Variants in ZDBF2 observed in about 807,000 individuals in gnomAD.
The protein encoded by ZDBF2 is zinc finger DBF-type containing 2.
In ZDBF2, 6 loss-of-function variants were observed where a neutral mutation model predicts 9.4. The observed-to-expected ratio is 0.64, with a 90% CI of 0.35 to 1.27. The LOEUF (loss-of-function observed/expected upper bound fraction) is 1.27. ZDBF2 is among the 50% of genes most tolerant of loss of function. The pLI is 0.03. For missense variants in ZDBF2, 2,697 were observed against 2,766.8 expected, an observed-to-expected ratio of 0.97 and a Z score of 0.57; for synonymous variants, 905 against 946.3, an observed-to-expected ratio of 0.96 and a Z score of 0.80.
At position 206,308,032 on chromosome 2, in the gene ZDBF2, T is replaced by C; in HGVS notation, c.3504T>C (p.Gly1168=). ...SEMNLDSGFL[G]QSIVNRPQIT... is the part of the protein sequence containing the mutation. ...TGAATTTGGATTCTGGTTTCTTGGG[T>C]CAGTCAATAGTCAATCGACCTCAAA... The change falls in exon 5 of 5, where the codon GGT becomes GGC. Residue 1168 remains glycine, a synonymous_variant. Transcript: ENST00000374423. The C allele has an allele frequency of 6.2e-7, 1 of 1,613,938 alleles. No homozygotes were observed. The highest frequency in any genetic ancestry group is 1.1e-5 in the South Asian group (1 of 91,068).
Position 206,310,779 on chromosome 2 carries a change from A to G in ZDBF2, c.6251A>G (p.Asn2084Ser). ...ERRNWVKIHF[N>S]RSNQNSSAGD... is the part of the protein sequence containing the mutation. ...CGTAACTGGGTTAAAATTCATTTTA[A>G]TAGGAGCAACCAAAACTCCAGTGCA... The change falls in exon 5 of 5, where the codon AAT becomes AGT. Residue 2084 changes from asparagine to serine, a missense_variant. Physicochemically the swap from Asn to Ser is conservative, Grantham distance 46. Transcript: ENST00000374423. The G allele has an allele frequency of 6.8e-6, 11 of 1,614,002 alleles. No individual in the cohort carries two copies. The highest frequency in any genetic ancestry group is 9.3e-6 in the Non-Finnish European group (11 of 1,179,892).
At position 206,307,568 on chromosome 2, in the gene ZDBF2, C is replaced by A. The variant is rs764346349; in HGVS notation, c.3040C>A (p.Pro1014Thr). 1.2e-6 allele frequency: 2 copies of A among 1,613,592 alleles called. No homozygotes were observed. The highest frequency in any genetic ancestry group is 1.7e-6 in the Non-Finnish European group (2 of 1,179,710). The change falls in exon 5 of 5, where the codon CCT becomes ACT. Residue 1014 changes from proline (P) to threonine (T), a missense_variant. By Grantham distance (38) the Pro-to-Thr change is conservative (BLOSUM62 -1). Coordinates refer to ENST00000374423, the MANE Select transcript of ZDBF2 (RefSeq NM_020923.3). Reference sequence around the variant, plus strand: ...TGTCCCTCATTATTCAGTAACTGAACCTCAAGTAGCTGTTAACAAAATAAA... The same window carrying A: ...TGTCCCTCATTATTCAGTAACTGAAACTCAAGTAGCTGTTAACAAAATAAA... Reference protein sequence around the residue: ...SGVPHYSVTEPQVAVNKINRK... With the variant: ...SGVPHYSVTETQVAVNKINRK...
chr2:206,277,511 AAATAG>A (rs1691081150), intron 1 of ZDBF2, among the ~76,000 whole-genome samples: 1 of 152,132 alleles, frequency 6.6e-6, no homozygotes, highest in Non-Finnish European at 1.5e-5. Context: ...TATGAAAAAT[AAATAG>A]AATGCTTTGG....
At chr2:206,299,770 G>A (rs1383786516) in intron 4 of ZDBF2, among the ~76,000 whole-genome samples, 2 of 151,702 alleles carry the variant, frequency 1.3e-5, no homozygotes, top group Admixed American at 6.6e-5. Flanking sequence ...AGATGCATCC[G>A]GCCTGGGCAA....
chr2:206,311,318 A>G lies in ZDBF2; in HGVS notation c.6790A>G (p.Arg2264Gly). 3 of 1,605,056 alleles carry G rather than the reference A, an allele frequency of 1.9e-6. No individual in the cohort carries two copies. Among genetic ancestry groups the G allele is most frequent in the Non-Finnish European group, 2.6e-6 (3 of 1,175,106 alleles). The part of the protein sequence containing the change: ...SVVSRLKKAK[R>G]TAKVLLNSSV... Reference sequence around the variant, plus strand: ...TGTCAGTAGGCTAAAGAAGGCGAAGAGAACAGCTAAAGTGCTTTTGAACTC... The same window carrying G: ...TGTCAGTAGGCTAAAGAAGGCGAAGGGAACAGCTAAAGTGCTTTTGAACTC... Residue 2264 changes from arginine to glycine, a missense_variant, in exon 5 of 5, where the codon AGA (arginine) becomes GGA (glycine). This residue lies in a region of ZDBF2 where 1,783 missense variants were observed against 1,776.5 expected (regional missense o/e 1.00). Transcript: ENST00000374423.
chr2:206,311,397 C>A lies in ZDBF2; in HGVS notation c.6869C>A (p.Pro2290His). Residue 2290 changes from proline to histidine, a missense_variant, in exon 5 of 5, where the codon CCT (proline) becomes CAT (histidine). By Grantham distance (77) the Pro-to-His change is moderately conservative. Transcript: ENST00000374423. ...EELSSAMANP[P>H]PKRPVRASCR... ...CTGTCAAGCGCTATGGCAAATCCTCCTCCAAAGCGACCTGTGCGGGCTTCT... is the reference window on the plus strand; with the variant it reads ...CTGTCAAGCGCTATGGCAAATCCTCATCCAAAGCGACCTGTGCGGGCTTCT... The A allele has an allele frequency of 6.2e-7, 1 of 1,607,762 alleles. No homozygotes were observed. The highest frequency in any genetic ancestry group is 8.5e-7 in the Non-Finnish European group (1 of 1,177,240).
intron 3 of ZDBF2, 145 bp downstream of exon 3, chr2:206,282,054 A>G: frequency 1.5e-6 from 1 of 682,814 alleles, no homozygotes; most frequent in Non-Finnish European, 2.3e-6. Context: ...GGTTCTAGGG[A>G]TATGACCATG....
intron 1 of ZDBF2, among the ~76,000 whole-genome samples, chr2:206,276,260 G>A (rs1419953381): frequency 1.3e-5 from 2 of 151,998 alleles, no homozygotes; most frequent in African/African-American, 4.8e-5. Flanking sequence ...AGATCGCATA[G>A]AAAATATCAG....
chr2:206,301,968 T>G (rs953031460), intron 4 of ZDBF2, among the ~76,000 whole-genome samples: 2 of 148,692 alleles, frequency 1.3e-5, no homozygotes, highest in African/African-American at 2.4e-5. Context: ...TAAAAAATGT[T>G]TTTTTTTTTT....
chr2:206,276,385 G>A (rs1447405785), intron 1 of ZDBF2, among the ~76,000 whole-genome samples: 1 of 152,184 alleles, frequency 6.6e-6, no homozygotes, highest in African/African-American at 2.4e-5. Context: ...TGTGTGTCAT[G>A]TTAAATAATC....
chr2:206,303,398 A>C, intron 4 of ZDBF2, among the ~76,000 whole-genome samples: 1 of 152,058 alleles, frequency 6.6e-6, no homozygotes, highest in Admixed American at 6.6e-5. Context: ...TGCAGTAGTA[A>C]GTCCTTAGTA....
At chr2:206,299,548 C>G (rs541813597) in intron 4 of ZDBF2, among the ~76,000 whole-genome samples, 1 of 151,882 alleles carries the variant, frequency 6.6e-6, no homozygotes, top group Admixed American at 6.6e-5. Context: ...GGCACACACC[C>G]GTAGTCCCAG....
At position 206,310,297 on chromosome 2, in the gene ZDBF2, A is replaced by G. The variant is rs909061165; in HGVS notation, c.5769A>G (p.Ala1923=). The change falls in exon 5 of 5, where the codon GCA becomes GCG. Residue 1923 remains alanine, a synonymous_variant. Coordinates refer to ENST00000374423, the MANE Select transcript of ZDBF2 (RefSeq NM_020923.3). ...LDKPCHRHPP[A]ERPPKQKGRV... is the part of the protein sequence containing the mutation. ...AACCATGCCATCGTCATCCTCCAGC[A>G]GAGAGGCCTCCTAAGCAAAAGGGGC... The G allele has an allele frequency of 6.2e-7, 1 of 1,613,976 alleles. No individual in the cohort carries two copies. The highest frequency in any genetic ancestry group is 1.1e-5 in the South Asian group (1 of 91,080).
intron 3 of ZDBF2, among the ~76,000 whole-genome samples, chr2:206,285,977 C>T (rs1691580703): frequency 6.6e-6 from 1 of 152,246 alleles, no homozygotes; most frequent in Admixed American, 6.5e-5. Context: ...AGATTTATTT[C>T]TGGGTTTTCT....
chr2:206,281,780 AT>A lies in ZDBF2; in HGVS notation c.-49-16del. 6.9e-7 allele frequency: 1 copy of A among 1,450,506 alleles called. No homozygotes were observed. Among genetic ancestry groups the A allele is most frequent in the Non-Finnish European group, 9.6e-7 (1 of 1,044,876 alleles). 89.9% of individuals were successfully genotyped at this position (1,450,506 alleles called of 1,614,324 possible). On this transcript the variant is annotated intron_variant, in intron 2 of 4. Transcript: ENST00000374423. The stretch of plus-strand genomic sequence containing the variant: ...AGAGTAAGGAATTATGATTTTTACC[AT>A]TTTTCTTTTTGTTTTTCAGCTTGAG...
intron 1 of ZDBF2, among the ~76,000 whole-genome samples, chr2:206,276,466 T>A (rs1223900510): frequency 6.6e-6 from 1 of 152,240 alleles, no homozygotes; most frequent in Non-Finnish European, 1.5e-5. Context: ...GACATTAGTT[T>A]TATTTTTTCT....
chr2:206,297,535 GTAA>G (rs1692255552), intron 4 of ZDBF2, among the ~76,000 whole-genome samples, 162 bp downstream of exon 4: 1 of 152,134 alleles, frequency 6.6e-6, no homozygotes, highest in East Asian at 1.9e-4. Context: ...CTTAGCTGAA[GTAA>G]GAAATTTCAC....
At chr2:206,276,763 T>C (rs1691027848) in intron 1 of ZDBF2, among the ~76,000 whole-genome samples, 1 of 152,208 alleles carries the variant, frequency 6.6e-6, no homozygotes, top group African/African-American at 2.4e-5. Context: ...GTTATTTAGA[T>C]GAGATAATGC....
chr2:206,281,941 C>CA, intron 3 of ZDBF2, 32 bp downstream of exon 3: 3 of 1,573,042 alleles, frequency 1.9e-6, no homozygotes, highest in Non-Finnish European at 2.6e-6. Context: ...GATAATATCT[C>CA]AAAGGACCTA....
Sources: allele counts gnomAD v4.1 joint callset (sites outside exome capture counted in the v4.1 genomes callset), GRCh38; gene constraint gnomAD v4.1.1; regional missense constraint gnomAD v4.1.1; transcripts MANE v1.5; gene names NCBI Gene and HGNC (gene_info 2026-07-23, HGNC 2026-07-21).